The following DPRX variants were observed in gnomAD, a reference collection of about 807,000 sequenced individuals.
DPRX encodes the protein divergent-paired related homeobox, also known as divergent paired-related homeobox.
A neutral mutation model predicts 8.4 loss-of-function variants in DPRX; 11 were observed. The ratio of observed to expected loss-of-function variants is 1.31; its 90% CI spans 0.82 to 2.17. The LOEUF (loss-of-function observed/expected upper bound fraction) is 2.17, where lower values mean the gene tolerates loss of function less well. Ranked by LOEUF, DPRX falls within the 30% of genes most tolerant of loss-of-function variation. The pLI is 0.00. For missense variants in DPRX, 211 were observed against 236.7 expected (o/e 0.89, Z 0.71); for synonymous variants, 72 against 87.0 (o/e 0.83, Z 0.96).
chr19:53,635,469 T>C (rs2091108546), intron 2 of DPRX, among the ~76,000 whole-genome samples: 1 of 152,120 alleles, frequency 6.6e-6, no homozygotes, highest in Non-Finnish European at 1.5e-5. Context: ...GATTCCCAAG[T>C]AGGTGGGACT....
At chr19:53,621,489 C>T in the DPRX span, among the ~76,000 whole-genome samples, 2 of 152,042 alleles carry the variant, frequency 1.3e-5, no homozygotes, top group African/African-American at 2.4e-5. Flanking sequence ...GATCCAGCCA[C>T]GATCTATATA....
chr19:53,634,407 G>A (rs909784589), intron 1 of DPRX, 124 bp from the exon 2 acceptor site: 13 of 1,242,468 alleles, frequency 1.0e-5, no homozygotes, highest in South Asian at 4.5e-5. Flanking sequence ...CTCCAGCCTC[G>A]GTGACAGAAC....
At chr19:53,603,523 T>G in the DPRX span, 1 of 407,606 alleles carries the variant, frequency 2.5e-6, no homozygotes, top group Non-Finnish European at 5.0e-6. Flanking sequence ...TTCTCGTTCT[T>G]GCTGAAATTC....
chr19:53,608,198 A>G, the DPRX span: 2 of 149,212 alleles, frequency 1.3e-5, no homozygotes, highest in South Asian at 4.1e-4. Context: ...AAATAAATAA[A>G]TAAAAATAAA....
At chr19:53,615,415 G>C in the DPRX span, among the ~76,000 whole-genome samples, 1 of 151,788 alleles carries the variant, frequency 6.6e-6, no homozygotes, top group Admixed American at 6.6e-5. Flanking sequence ...TGAGTAGCTG[G>C]GATTACAGGT....
the DPRX span, among the ~76,000 whole-genome samples, chr19:53,605,088 C>T: frequency 1.3e-4 from 19 of 151,988 alleles, no homozygotes; most frequent in East Asian, 1.4e-3. Flanking sequence ...CCGAGGCAGG[C>T]GGACTGCTTG....
At chr19:53,618,929 G>A in the DPRX span, among the ~76,000 whole-genome samples, 6 of 151,932 alleles carry the variant, frequency 3.9e-5, no homozygotes, top group South Asian at 2.1e-4. Context: ...TGATCCACCC[G>A]CCTCGGCCTC....
the DPRX span, chr19:53,606,332 C>CT: frequency 6.6e-6 from 1 of 152,298 alleles, no homozygotes; most frequent in South Asian, 2.1e-4. The surrounding 1 kb of genome is among the most constrained non-coding windows in gnomAD (Gnocchi z 4.8). Flanking sequence ...GGGACTGGGG[C>CT]TTCTGCTCTG....
At chr19:53,613,346 G>T in the DPRX span, among the ~76,000 whole-genome samples, 1 of 151,854 alleles carries the variant, frequency 6.6e-6, no homozygotes, top group Non-Finnish European at 1.5e-5. Context: ...TCACGTGTGA[G>T]ATCTTTGTTG....
chr19:53,612,893 C>T, the DPRX span, among the ~76,000 whole-genome samples: 1 of 152,088 alleles, frequency 6.6e-6, no homozygotes, highest in Non-Finnish European at 1.5e-5. Context: ...TCTGAGCAGC[C>T]TTCCCTCCTG....
At chr19:53,617,516 C>G in the DPRX span, among the ~76,000 whole-genome samples, 4 of 145,190 alleles carry the variant, frequency 2.8e-5, no homozygotes, top group Non-Finnish European at 6.0e-5. Context: ...CGAGATCGCA[C>G]CATTGCACTC....
chr19:53,617,333 C>A, the DPRX span: 1 of 555,492 alleles, frequency 1.8e-6, no homozygotes, highest in Non-Finnish European at 3.3e-6. Flanking sequence ...CCGAGGCGAG[C>A]GGATTATCTG....
Position 53,634,640 on chromosome 19 carries a change from GA to G in DPRX, c.141del (p.Glu48LysfsTer6), listed in dbSNP as rs757804981. 2 of 1,613,922 alleles carry G rather than the reference GA, an allele frequency of 1.2e-6. No individual in the cohort carries two copies. Among genetic ancestry groups the G allele is most frequent in the Non-Finnish European group, 1.7e-6 (2 of 1,179,984 alleles). ...ACCCATACCCAAACCCCAGCCTTCA[GA>G]AAGAAATGGCCTCGAAAATAGACAT... On this transcript the variant is annotated frameshift_variant, in exon 2 of 3. Transcript: ENST00000376650. LOFTEE classifies it low-confidence loss of function (END_TRUNC).
At chr19:53,607,936 T>G in the DPRX span, among the ~76,000 whole-genome samples, 2 of 144,128 alleles carry the variant, frequency 1.4e-5, no homozygotes, top group Admixed American at 7.0e-5. Context: ...ACTTTGGGAG[T>G]CAGAGGTGGA....
intron 2 of DPRX, among the ~76,000 whole-genome samples, chr19:53,636,124 T>C (rs1171359252): frequency 6.6e-6 from 1 of 152,038 alleles, no homozygotes; most frequent in Admixed American, 6.6e-5. Context: ...TCCCAGCAGT[T>C]TGGGAGGCCG....
chr19:53,602,271 T>TGG, the DPRX span: 1 of 110,480 alleles, frequency 9.1e-6, no homozygotes, highest in African/African-American at 5.5e-5. Flanking sequence ...GGTATGGGTG[T>TGG]GTGTGTGTGT....
chr19:53,620,371 T>C, the DPRX span, among the ~76,000 whole-genome samples: 8 of 140,578 alleles, frequency 5.7e-5, no homozygotes, highest in Non-Finnish European at 9.3e-5. Flanking sequence ...ACCCGGCCTA[T>C]TTTCTTCTTT....
chr19:53,624,487 C>T, the DPRX span, among the ~76,000 whole-genome samples: 16 of 151,936 alleles, frequency 1.1e-4, no homozygotes, highest in South Asian at 2.9e-3. Context: ...ACTGCAACCT[C>T]GGTTCACTGA....
chr19:53,612,645 TG>T, the DPRX span, among the ~76,000 whole-genome samples: 2 of 151,998 alleles, frequency 1.3e-5, no homozygotes, highest in Non-Finnish European at 2.9e-5. Flanking sequence ...AGGCGGAGGT[TG>T]CAGTGAGCTG....
Sources: allele counts gnomAD v4.1 joint callset (sites outside exome capture counted in the v4.1 genomes callset), GRCh38; gene constraint gnomAD v4.1.1; non-coding constraint Gnocchi (gnomAD v3.1); transcripts MANE v1.5; gene names NCBI Gene and HGNC (gene_info 2026-07-23, HGNC 2026-07-21).